PRKCH: variants seen among roughly 807,000 people sequenced by gnomAD.
The protein encoded by PRKCH is protein kinase C eta type.
In PRKCH, 28 loss-of-function variants were observed where a neutral mutation model predicts 82.5. That is an observed-to-expected ratio of 0.34 (90% CI 0.25 to 0.47). The LOEUF (loss-of-function observed/expected upper bound fraction) is 0.47, where lower values mean the gene tolerates loss of function less well. Ranked by LOEUF, PRKCH falls within the 20% of genes least tolerant of loss-of-function variation. The probability of loss-of-function intolerance (pLI) is 1.00; values close to 1 mark genes in which losing one functional copy is unlikely to be tolerated. For synonymous variants in PRKCH, 322 were observed against 327.4 expected, an observed-to-expected ratio of 0.98 and a Z score of 0.18; for missense variants, 705 against 881.8, an observed-to-expected ratio of 0.80 and a Z score of 2.54.
At chr14:61,500,096 G>A (rs1003297080) in intron 10 of PRKCH, among the ~76,000 whole-genome samples, 29 of 149,820 alleles carry the variant, frequency 1.9e-4, no homozygotes, top group South Asian at 2.1e-4. Context: ...ATCAATATCC[G>A]GTTGACTTGT....
At chr14:61,252,882 CT>C (rs1463203489) in intron 1 of PRKCH, among the ~76,000 whole-genome samples, 1 of 152,178 alleles carries the variant, frequency 6.6e-6, no homozygotes, top group Non-Finnish European at 1.5e-5. Context: ...TTTCTTCATT[CT>C]GCAGCCTGAC....
At chr14:61,513,221 C>G (rs2042773874) in intron 10 of PRKCH, among the ~76,000 whole-genome samples, 2 of 152,202 alleles carry the variant, frequency 1.3e-5, no homozygotes, top group African/African-American at 4.8e-5. Flanking sequence ...AAAGGGAATG[C>G]AACCAAAGTT....
At chr14:61,251,473 C>G (rs919315378) in intron 1 of PRKCH, among the ~76,000 whole-genome samples, 3 of 152,162 alleles carry the variant, frequency 2.0e-5, no homozygotes, top group Non-Finnish European at 2.9e-5. Context: ...CTGTGCCTGG[C>G]TTATTTCACT....
chr14:61,457,381 G>A, intron 8 of PRKCH, 62 bp downstream of exon 8: 1 of 1,601,678 alleles, frequency 6.2e-7, no homozygotes, highest in Non-Finnish European at 8.5e-7. Context: ...GGGGGTGTGT[G>A]TGTGTGTGCA....
At position 61,549,782 on chromosome 14, in the gene PRKCH, A is replaced by G; in HGVS notation, c.2003A>G (p.Gln668Arg). The change falls in exon 14 of 14, where the codon CAG (glutamine) becomes CGG (arginine). Residue 668 changes from glutamine to arginine, a missense_variant. Around this residue, in one of 5 missense-constraint regions of PRKCH, gnomAD observed 91 missense variants for 81.2 expected, o/e 1.12. Transcript: ENST00000332981. ...GAGGGACATCTTCCAATGATTAACCAGGATGAGTTTAGAAACTTTTCCTAT... is the reference window on the plus strand; with the variant it reads ...GAGGGACATCTTCCAATGATTAACCGGGATGAGTTTAGAAACTTTTCCTAT... ...IDEGHLPMIN[Q>R]DEFRNFSYVS... The G allele has an allele frequency of 6.2e-7, 1 of 1,614,128 alleles. No individual in the cohort carries two copies. Among genetic ancestry groups the G allele is most frequent in the Non-Finnish European group, 8.5e-7 (1 of 1,180,028 alleles).
At chr14:61,249,124 C>A (rs961767991) in intron 1 of PRKCH, among the ~76,000 whole-genome samples, 12 of 152,048 alleles carry the variant, frequency 7.9e-5, no homozygotes, top group African/African-American at 2.7e-4. Flanking sequence ...TTTATATGGA[C>A]AACAAGCAAC....
chr14:61,347,896 G>A (rs913901623), intron 1 of PRKCH: 2 of 152,830 alleles, frequency 1.3e-5, no homozygotes, highest in Non-Finnish European at 2.9e-5. Context: ...GAATTAAATA[G>A]CACTTTAACA....
intron 1 of PRKCH, among the ~76,000 whole-genome samples, chr14:61,247,164 AT>A (rs576727413): frequency 1.0e-3 from 152 of 152,290 alleles, no homozygotes; most frequent in Non-Finnish European, 1.4e-3. Flanking sequence ...AATATAGTAT[AT>A]GGTAAGAGTT....
upstream of PRKCH, among the ~76,000 whole-genome samples, chr14:61,320,136 A>G (rs11628695): frequency 0.91 from 138,089 of 152,106 alleles, 62,897 homozygotes; most frequent in East Asian, 1. Flanking sequence ...AGGTTATGGT[A>G]AGCCATGATC....
intron 10 of PRKCH, among the ~76,000 whole-genome samples, chr14:61,528,484 C>G (rs2042999558): frequency 6.6e-6 from 1 of 152,156 alleles, no homozygotes; most frequent in Non-Finnish European, 1.5e-5. Context: ...ACCCAGCCGA[C>G]AAGTATTTCT....
At chr14:61,451,797 T>C (rs754016861) in intron 6 of PRKCH, among the ~76,000 whole-genome samples, 2 of 152,152 alleles carry the variant, frequency 1.3e-5, no homozygotes, top group Non-Finnish European at 2.9e-5. Context: ...TTGGCATGAG[T>C]ATAGCCAGAC....
intron 1 of PRKCH, among the ~76,000 whole-genome samples, chr14:61,222,134 C>T (rs1009826564): frequency 2.0e-5 from 3 of 152,222 alleles, no homozygotes; most frequent in African/African-American, 7.2e-5. Flanking sequence ...CCTTTCTAAT[C>T]ACAGAAAAGT....
intron 10 of PRKCH, among the ~76,000 whole-genome samples, chr14:61,489,206 G>A (rs542359570): frequency 3.3e-5 from 5 of 152,268 alleles, no homozygotes; most frequent in East Asian, 1.9e-4. Context: ...GTCCCAGAAC[G>A]CCCTTTATCA....
rs777955116 is a variant in PRKCH, at chr14:61,280,776, G to A, written c.-19+93108G>A. 2.6e-6 allele frequency: 4 copies of A among 1,554,698 alleles called. No homozygotes were observed. Among genetic ancestry groups the A allele is most frequent in the Non-Finnish European group, 3.5e-6 (4 of 1,158,908 alleles). On this transcript the variant is annotated intron_variant, in intron 1 of 3. Coordinates refer to the PRKCH transcript ENST00000555185. The surrounding 1 kb of genome is among the most constrained non-coding windows in gnomAD (Gnocchi z 5.0). ...GCTGCGCGTCGTCGCGGGACACGCCGTAGCGCCGGTTGTTCTGGTAGAAGT... is the reference window on the plus strand; with the variant it reads ...GCTGCGCGTCGTCGCGGGACACGCCATAGCGCCGGTTGTTCTGGTAGAAGT...
chr14:61,438,347 A>G (rs1270417414), intron 2 of PRKCH, among the ~76,000 whole-genome samples: 1 of 152,226 alleles, frequency 6.6e-6, no homozygotes, highest in East Asian at 1.9e-4. Flanking sequence ...CGTATGTTAC[A>G]CTGAATCAAA....
At chr14:61,246,080 A>G (rs1188112569) in intron 1 of PRKCH, among the ~76,000 whole-genome samples, 3 of 152,234 alleles carry the variant, frequency 2.0e-5, no homozygotes, top group Admixed American at 2.0e-4. Context: ...ATTGAGTCCA[A>G]TGCAGTGTCC....
intron 2 of PRKCH, among the ~76,000 whole-genome samples, chr14:61,404,405 G>A (rs73320024): frequency 0.019 from 2,956 of 152,206 alleles, 92 homozygotes; most frequent in African/African-American, 0.068. Context: ...AATGTCCTGG[G>A]TCAAGCAATA....
chr14:61,374,834 C>CTTG (rs2046410457), intron 1 of PRKCH, among the ~76,000 whole-genome samples: 1 of 151,718 alleles, frequency 6.6e-6, no homozygotes, highest in Non-Finnish European at 1.5e-5. Flanking sequence ...TGGAGATCTT[C>CTTG]CCATTATCTT....
chr14:61,240,665 C>T (rs1466139805), intron 1 of PRKCH, among the ~76,000 whole-genome samples: 1 of 151,772 alleles, frequency 6.6e-6, no homozygotes, highest in Admixed American at 6.6e-5. Flanking sequence ...TTCACCCTTT[C>T]CAGCTGCCTA....
Sources: gnomAD v4.1 joint callset for allele counts (sites outside exome capture counted in the v4.1 genomes callset) on GRCh38, gnomAD v4.1.1 for gene constraint, gnomAD v4.1.1 regional missense constraint, Gnocchi (gnomAD v3.1) non-coding constraint, MANE v1.5 for transcripts, NCBI Gene and HGNC (gene_info 2026-07-23, HGNC 2026-07-21) for gene names.